Variants in SORCS3 observed in about 807,000 individuals in gnomAD.
SORCS3 encodes the protein VPS10 domain-containing receptor SorCS3.
In SORCS3, 57 loss-of-function variants were observed where a neutral mutation model predicts 146.3. The ratio of observed to expected loss-of-function variants is 0.39; its 90% CI spans 0.31 to 0.49. The LOEUF is 0.49. SORCS3 is among the 20% of genes least tolerant of loss of function. The pLI is 0.92. For synonymous variants in SORCS3, 653 were observed against 618.5 expected (o/e 1.06, Z -0.83); for missense variants, 1,341 against 1,575.5 (o/e 0.85, Z 2.52).
intron 7 of SORCS3, among the ~76,000 whole-genome samples, chr10:105,112,125 C>T (rs1244021751): frequency 6.6e-6 from 1 of 152,132 alleles, no homozygotes; most frequent in East Asian, 1.9e-4. Context: ...CCACATAAAG[C>T]TTATGGTATT....
At chr10:104,978,277 AT>A (rs1217636955) in intron 4 of SORCS3, among the ~76,000 whole-genome samples, 2 of 152,168 alleles carry the variant, frequency 1.3e-5, no homozygotes, top group African/African-American at 2.4e-5. Flanking sequence ...GGAATATACC[AT>A]TGCTCTTAGT....
At chr10:105,211,072 T>C (rs2119640176) in intron 16 of SORCS3, 65 bp from the exon 17 acceptor site, 2 of 1,081,580 alleles carry the variant, frequency 1.8e-6, no homozygotes, top group Non-Finnish European at 2.8e-6. Flanking sequence ...TATGTTTGTG[T>C]GTGCCTGCGG....
chr10:104,722,762 GCA>G (rs2016566356), intron 1 of SORCS3, among the ~76,000 whole-genome samples: 1 of 152,182 alleles, frequency 6.6e-6, no homozygotes, highest in Non-Finnish European at 1.5e-5. Flanking sequence ...TGGTTTATTT[GCA>G]TAGAGGTGTT....
chr10:105,232,586 G>GA (rs1554888644), intron 20 of SORCS3, among the ~76,000 whole-genome samples: 3 of 147,800 alleles, frequency 2.0e-5, no homozygotes, highest in African/African-American at 7.4e-5. Context: ...TTACCTTGGA[G>GA]TTTTTTTTTT....
intron 1 of SORCS3, among the ~76,000 whole-genome samples, chr10:104,725,841 T>A (rs2016623805): frequency 1.3e-5 from 2 of 152,198 alleles, no homozygotes; most frequent in South Asian, 4.1e-4. Context: ...AGTATTAGGG[T>A]GGGAGTGACC....
At chr10:104,904,466 A>G (rs1807110520) in intron 2 of SORCS3, among the ~76,000 whole-genome samples, 2 of 151,770 alleles carry the variant, frequency 1.3e-5, no homozygotes, top group South Asian at 4.3e-4. Flanking sequence ...ATACATACAA[A>G]TATTTATGTC....
At chr10:105,163,775 G>A (rs1451997846) in intron 11 of SORCS3, among the ~76,000 whole-genome samples, 4 of 151,992 alleles carry the variant, frequency 2.6e-5, no homozygotes, top group South Asian at 2.1e-4. Flanking sequence ...TCTGGGCACC[G>A]TATAATTTAG....
At chr10:104,823,240 T>C (rs1234813529) in intron 1 of SORCS3, among the ~76,000 whole-genome samples, 1 of 152,102 alleles carries the variant, frequency 6.6e-6, no homozygotes, top group African/African-American at 2.4e-5. Context: ...GGGAAATAAG[T>C]TGGAAACCAC....
chr10:105,248,540 C>T (rs528752743), intron 22 of SORCS3, among the ~76,000 whole-genome samples: 1 of 151,888 alleles, frequency 6.6e-6, no homozygotes, highest in East Asian at 1.9e-4. Context: ...ATGGTGAAAC[C>T]CTGTCTCTAC....
chr10:105,263,104 C>T (rs1035128967), intron 26 of SORCS3, among the ~76,000 whole-genome samples: 2 of 152,214 alleles, frequency 1.3e-5, no homozygotes, highest in Non-Finnish European at 2.9e-5. Context: ...CTTGATCCCA[C>T]CTGTGGGCTA....
chr10:104,862,623 A>G (rs920655260), intron 2 of SORCS3, among the ~76,000 whole-genome samples: 2 of 151,660 alleles, frequency 1.3e-5, no homozygotes, highest in African/African-American at 4.9e-5. Context: ...TATCATTTGT[A>G]TGTGTTTTTA....
rs1049133890 is a variant in SORCS3 at position 105,212,598 on chromosome 10, C to G, written c.2375+1348C>G. On this transcript the variant is annotated intron_variant, in intron 17 of 26. Coordinates refer to ENST00000369701, the MANE Select transcript of SORCS3 (RefSeq NM_014978.3). ...TTAGTTATGCCAAAATCCCAAATAG[C>G]TAACAAAATAATTCAGGAGAATGAA... Among the ~76,000 whole-genome samples, 4 of 151,794 alleles carry G rather than the reference C, an allele frequency of 2.6e-5. No individual in the cohort carries two copies. In the South Asian group the frequency reaches 8.3e-4, roughly 32 times the overall value.
intron 6 of SORCS3, among the ~76,000 whole-genome samples, chr10:105,098,246 G>A (rs1054123896): frequency 6.6e-6 from 1 of 152,204 alleles, no homozygotes; most frequent in African/African-American, 2.4e-5. Flanking sequence ...CAATGGGACT[G>A]CAGACTGCTT....
intron 1 of SORCS3, among the ~76,000 whole-genome samples, chr10:104,811,563 A>C (rs566062149): frequency 6.6e-6 from 1 of 152,300 alleles, no homozygotes; most frequent in African/African-American, 2.4e-5. Flanking sequence ...TTTTGCCTAG[A>C]TATGTGCTTT....
At chr10:104,822,932 G>T (rs2017891778) in intron 1 of SORCS3, among the ~76,000 whole-genome samples, 1 of 152,166 alleles carries the variant, frequency 6.6e-6, no homozygotes, top group South Asian at 2.1e-4. Context: ...GGCTGCCATG[G>T]CCCTGTTATC....
intron 7 of SORCS3, among the ~76,000 whole-genome samples, chr10:105,135,749 G>T (rs565260603): frequency 6.6e-6 from 1 of 152,150 alleles, no homozygotes; most frequent in Admixed American, 6.6e-5. Context: ...ACACAGGCAC[G>T]ATTAAGCCAA....
chr10:105,168,327 A>G (rs943040087), intron 13 of SORCS3, among the ~76,000 whole-genome samples: 2 of 152,160 alleles, frequency 1.3e-5, no homozygotes, highest in Non-Finnish European at 2.9e-5. Flanking sequence ...AGAATAGATG[A>G]TGATGATGAT....
chr10:104,796,917 G>C (rs117783934), intron 1 of SORCS3, among the ~76,000 whole-genome samples: 1,905 of 152,298 alleles, frequency 0.013, 21 homozygotes, highest in Non-Finnish European at 0.02. Context: ...TTTGTCCCTG[G>C]ATAGGAAAGC....
In SORCS3 at chr10:104,744,356, T is replaced by A. The variant is rs541614370; in HGVS notation, c.628-98436T>A. On this transcript the variant is annotated intron_variant, in intron 1 of 26. Coordinates refer to ENST00000369701, the MANE Select transcript of SORCS3 (RefSeq NM_014978.3). Reference sequence around the variant, plus strand: ...TCCTTGATTTATACCAGTGAATCTGTTGAATGAGATTTCCAGTTGTAATAG... The same window carrying A: ...TCCTTGATTTATACCAGTGAATCTGATGAATGAGATTTCCAGTTGTAATAG... 2.6e-5 allele frequency among the ~76,000 whole-genome samples: 4 copies of A among 152,354 alleles called. No homozygotes were observed. The East Asian group carries it at 5.8e-4, about 22-fold the overall frequency.
Sources: allele counts gnomAD v4.1 joint callset (sites outside exome capture counted in the v4.1 genomes callset), GRCh38; gene constraint gnomAD v4.1.1; transcripts MANE v1.5; gene names NCBI Gene and HGNC (gene_info 2026-07-23, HGNC 2026-07-21).